Variants in GPC5 observed in about 807,000 individuals in gnomAD.
GPC5 encodes the protein glypican-5.
In GPC5, 47 loss-of-function variants were observed where a neutral mutation model predicts 53.9. That is an observed-to-expected ratio of 0.87 (90% CI 0.69 to 1.11). The LOEUF is 1.11. GPC5 is among the 50% of genes most tolerant of loss of function. The pLI is 0.00. For synonymous variants in GPC5, 286 were observed against 263.3 expected, an observed-to-expected ratio of 1.09 and a Z score of -0.84; for missense variants, 748 against 713.1, an observed-to-expected ratio of 1.05 and a Z score of -0.56.
chr13:91,569,393 C>T (rs574259633), intron 2 of GPC5, among the ~76,000 whole-genome samples: 2 of 152,154 alleles, frequency 1.3e-5, no homozygotes, highest in Non-Finnish European at 2.9e-5. Flanking sequence ...TATGTTTCTC[C>T]TAATTCATCC....
chr13:91,892,606 T>C (rs1464631133), intron 5 of GPC5, among the ~76,000 whole-genome samples: 2 of 151,698 alleles, frequency 1.3e-5, no homozygotes, highest in African/African-American at 4.8e-5. Flanking sequence ...CTGTTACAAA[T>C]TAGTATTTTG....
intron 7 of GPC5, among the ~76,000 whole-genome samples, chr13:92,362,660 C>A (rs763639653): frequency 4.6e-5 from 7 of 151,712 alleles, no homozygotes; most frequent in Admixed American, 2.6e-4. Context: ...GTTTTGATGG[C>A]CCTTTGGTTT....
chr13:92,656,846 C>T (rs1886153124), intron 7 of GPC5, among the ~76,000 whole-genome samples: 2 of 152,212 alleles, frequency 1.3e-5, no homozygotes, highest in Admixed American at 6.5e-5. Flanking sequence ...CCCAGCTACT[C>T]TTACGAGTCT....
intron 6 of GPC5, among the ~76,000 whole-genome samples, chr13:91,930,250 A>G (rs970943416): frequency 6.6e-6 from 1 of 152,082 alleles, no homozygotes; most frequent in Non-Finnish European, 1.5e-5. Flanking sequence ...AAGAGAAAAA[A>G]GAACACCAAA....
intron 7 of GPC5, among the ~76,000 whole-genome samples, chr13:92,858,827 A>G (rs1481803416): frequency 6.6e-6 from 1 of 152,136 alleles, no homozygotes; most frequent in African/African-American, 2.4e-5. Context: ...AATTAAAACC[A>G]AAAAAAGAAT....
chr13:92,325,167 A>G (rs1450352004), intron 7 of GPC5, among the ~76,000 whole-genome samples: 1 of 151,722 alleles, frequency 6.6e-6, no homozygotes, highest in East Asian at 1.9e-4. Context: ...AAACTTAAGC[A>G]TGTTTATACA....
chr13:91,755,746 A>G (rs965495284), intron 4 of GPC5, among the ~76,000 whole-genome samples: 4 of 152,080 alleles, frequency 2.6e-5, no homozygotes, highest in African/African-American at 9.7e-5. Flanking sequence ...GTTTTGGGTC[A>G]TATTTAGTAA....
chr13:91,571,064 T>C (rs1247484059), intron 2 of GPC5, among the ~76,000 whole-genome samples: 3 of 152,134 alleles, frequency 2.0e-5, no homozygotes, highest in Non-Finnish European at 4.4e-5. Context: ...ATTCTTGTTG[T>C]ATTTGGCTTT....
chr13:92,747,284 G>A (rs753586391), intron 7 of GPC5, among the ~76,000 whole-genome samples: 4 of 152,010 alleles, frequency 2.6e-5, no homozygotes, highest in Non-Finnish European at 5.9e-5. Flanking sequence ...CGTTTTAAAG[G>A]ACTTAAAGCA....
intron 7 of GPC5, among the ~76,000 whole-genome samples, chr13:92,452,206 C>T (rs1878089771): frequency 6.6e-6 from 1 of 151,976 alleles, no homozygotes; most frequent in Non-Finnish European, 1.5e-5. Flanking sequence ...ATTACAGAAA[C>T]GCAGGAAAAT....
chr13:92,859,988 A>T (rs756740238), intron 7 of GPC5, among the ~76,000 whole-genome samples: 4 of 152,144 alleles, frequency 2.6e-5, no homozygotes, highest in Non-Finnish European at 4.4e-5. Flanking sequence ...TCTAGTTATT[A>T]TTCATTATTA....
intron 5 of GPC5, among the ~76,000 whole-genome samples, chr13:91,782,324 C>T (rs1224440390): frequency 3.3e-5 from 5 of 152,092 alleles, no homozygotes; most frequent in Non-Finnish European, 5.9e-5. Flanking sequence ...AAGAAATACC[C>T]GAGACTGGCC....
At chr13:92,512,151 T>C (rs1338996079) in intron 7 of GPC5, among the ~76,000 whole-genome samples, 2 of 152,202 alleles carry the variant, frequency 1.3e-5, no homozygotes, top group African/African-American at 4.8e-5. Flanking sequence ...ATTTATCTTA[T>C]ATTAACTAAA....
At chr13:91,421,607 A>G (rs1012078618) in intron 1 of GPC5, among the ~76,000 whole-genome samples, 1 of 152,220 alleles carries the variant, frequency 6.6e-6, no homozygotes, top group Non-Finnish European at 1.5e-5. Context: ...ATATTTGTCA[A>G]TGCTTGACAA....
At chr13:91,864,130 G>C (rs529911732) in intron 5 of GPC5, among the ~76,000 whole-genome samples, 3 of 152,262 alleles carry the variant, frequency 2.0e-5, no homozygotes, top group Non-Finnish European at 4.4e-5. Context: ...AGGAGATTCT[G>C]TCCCCTTCAG....
chr13:91,968,257 T>TA (rs1169326956), intron 6 of GPC5, among the ~76,000 whole-genome samples: 1 of 152,112 alleles, frequency 6.6e-6, no homozygotes, highest in African/African-American at 2.4e-5. Flanking sequence ...AGTTTTTTTT[T>TA]ATGTTGTACA....
intron 6 of GPC5, among the ~76,000 whole-genome samples, chr13:91,912,562 G>A (rs939684484): frequency 2.0e-5 from 3 of 151,946 alleles, no homozygotes; most frequent in African/African-American, 7.3e-5. Flanking sequence ...AGATCATAGG[G>A]TACATTTGAT....
chr13:92,458,228 G>A (rs1002703124), intron 7 of GPC5, among the ~76,000 whole-genome samples: 4 of 141,538 alleles, frequency 2.8e-5, no homozygotes, highest in South Asian at 4.4e-4. Flanking sequence ...AAAGGCTGGG[G>A]AATGTTCATT....
chr13:91,454,201 C>T (rs1488128844), intron 2 of GPC5, among the ~76,000 whole-genome samples: 1 of 152,020 alleles, frequency 6.6e-6, no homozygotes, highest in Non-Finnish European at 1.5e-5. Flanking sequence ...AGAAACCAAG[C>T]AATTTTCCTG....
Sources: allele counts gnomAD v4.1 joint callset (sites outside exome capture counted in the v4.1 genomes callset), GRCh38; gene constraint gnomAD v4.1.1; transcripts MANE v1.5; gene names NCBI Gene and HGNC (gene_info 2026-07-23, HGNC 2026-07-21).